PDE3B: variants seen among roughly 807,000 people sequenced by gnomAD.
PDE3B encodes the protein phosphodiesterase 3B.
In PDE3B, 66 loss-of-function variants were observed where a neutral mutation model predicts 116.8. That is an observed-to-expected ratio of 0.56 (90% CI 0.46 to 0.69). The LOEUF (loss-of-function observed/expected upper bound fraction) is 0.69, where lower values mean the gene tolerates loss of function less well. Ranked by LOEUF, PDE3B falls within the 30% of genes least tolerant of loss-of-function variation. The pLI is 0.00. For missense variants in PDE3B, 1,384 were observed against 1,368.1 expected, an observed-to-expected ratio of 1.01 and a Z score of -0.18; for synonymous variants, 595 against 533.6, an observed-to-expected ratio of 1.12 and a Z score of -1.59.
intron 1 of PDE3B, among the ~76,000 whole-genome samples, chr11:14,651,825 T>A (rs1038211285): frequency 1.3e-5 from 2 of 152,224 alleles, no homozygotes; most frequent in Non-Finnish European, 2.9e-5. Flanking sequence ...TATGTATGAC[T>A]GTATCTGGGC....
At chr11:14,877,435 A>G in the PDE3B span, 1 of 152,158 alleles carries the variant, frequency 6.6e-6, no homozygotes, top group African/African-American at 2.4e-5. Flanking sequence ...TTCAATAGCC[A>G]TTTATCATTT....
intron 1 of PDE3B, among the ~76,000 whole-genome samples, chr11:14,737,379 T>C (rs1856632297): frequency 2.0e-5 from 3 of 152,172 alleles, no homozygotes. Context: ...TTTGTGTTTT[T>C]AGTAGAGACA....
chr11:14,743,319 C>T (rs1565118164), intron 1 of PDE3B, among the ~76,000 whole-genome samples: 1 of 152,180 alleles, frequency 6.6e-6, no homozygotes, highest in Non-Finnish European at 1.5e-5. Context: ...ATGAAGTGGG[C>T]TCCACCCAGT....
intron 5 of PDE3B, among the ~76,000 whole-genome samples, chr11:14,805,352 A>T (rs1357040721): frequency 2.0e-5 from 3 of 152,240 alleles, no homozygotes; most frequent in Non-Finnish European, 4.4e-5. Flanking sequence ...GTGTGGAAAG[A>T]ATAAAACTTG....
intron 1 of PDE3B, among the ~76,000 whole-genome samples, chr11:14,744,592 C>G (rs1391262187): frequency 6.6e-6 from 1 of 152,096 alleles, no homozygotes; most frequent in African/African-American, 2.4e-5. Flanking sequence ...ATCTATATCT[C>G]CCATCTCAGT....
chr11:14,859,480 C>T (rs1178827930), intron 13 of PDE3B, among the ~76,000 whole-genome samples: 6 of 152,032 alleles, frequency 3.9e-5, no homozygotes, highest in Non-Finnish European at 7.4e-5. Context: ...TAAACTTATA[C>T]TATTGTGACT....
intron 11 of PDE3B, among the ~76,000 whole-genome samples, chr11:14,835,445 ATT>A (rs60953633): frequency 5.3e-5 from 8 of 150,808 alleles, no homozygotes; most frequent in African/African-American, 1.5e-4. Context: ...TTTAAAAAAA[ATT>A]TTTTTTTTGT....
At chr11:14,819,936 A>T (rs1366404373) in intron 7 of PDE3B, among the ~76,000 whole-genome samples, 1 of 152,170 alleles carries the variant, frequency 6.6e-6, no homozygotes, top group East Asian at 1.9e-4. Flanking sequence ...TCATGGGGCT[A>T]GGAAGACAGA....
At chr11:14,684,237 G>A (rs1854797520) in intron 1 of PDE3B, among the ~76,000 whole-genome samples, 1 of 152,208 alleles carries the variant, frequency 6.6e-6, no homozygotes, top group Admixed American at 6.5e-5. Context: ...TTCTGTAAGT[G>A]TCGGCCAGTT....
chr11:14,716,484 AAGAC>A (rs1360182727), intron 1 of PDE3B, among the ~76,000 whole-genome samples: 1 of 150,560 alleles, frequency 6.6e-6, no homozygotes, highest in Non-Finnish European at 1.5e-5. Flanking sequence ...GACAAACAAA[AAGAC>A]AGCAGGAACC....
intron 7 of PDE3B, 49 bp from the exon 8 acceptor site, chr11:14,830,649 T>G (rs1382135143): frequency 7.2e-6 from 6 of 830,902 alleles, no homozygotes; most frequent in Non-Finnish European, 1.1e-5. Flanking sequence ...AAGCTGTACA[T>G]ATAGGGCACA....
chr11:14,837,297 G>A (rs1278915266), intron 11 of PDE3B, among the ~76,000 whole-genome samples: 2 of 152,180 alleles, frequency 1.3e-5, no homozygotes, highest in Non-Finnish European at 2.9e-5. Context: ...GATAGGCTGA[G>A]AATTTCCTGA....
At chr11:14,729,637 A>T (rs1590097021) in intron 1 of PDE3B, among the ~76,000 whole-genome samples, 1 of 152,342 alleles carries the variant, frequency 6.6e-6, no homozygotes, top group East Asian at 1.9e-4. Flanking sequence ...AACTAATGTG[A>T]GATAAATATG....
Position 14,869,654 on chromosome 11 carries a change from G to C in PDE3B, c.3333G>C (p.Glu1111Asp). The C allele has an allele frequency of 6.2e-7, 1 of 1,613,200 alleles. No homozygotes were observed. The highest frequency in any genetic ancestry group is 8.5e-7 in the Non-Finnish European group (1 of 1,179,522). Residue 1111 changes from glutamate to aspartate, a missense_variant, in exon 16 of 16, where the codon GAG becomes GAC. Coordinates refer to ENST00000282096, the MANE Select transcript of PDE3B (RefSeq NM_000922.4). Reference protein sequence around the residue: ...EIQVIEEADEEE With the variant: ...EIQVIEEADEDE ...AGGTAATTGAAGAGGCAGATGAAGA[G>C]GAATAGCGACAGTTTGAGTAAAAGA...
At chr11:14,880,478 G>C in the PDE3B span, 1 of 1,613,338 alleles carries the variant, frequency 6.2e-7, no homozygotes, top group Non-Finnish European at 8.5e-7. Flanking sequence ...CTGGCAGCTA[G>C]TTCCACATTT....
chr11:14,700,263 T>C (rs1855324708), intron 1 of PDE3B, among the ~76,000 whole-genome samples: 3 of 151,778 alleles, frequency 2.0e-5, no homozygotes, highest in African/African-American at 4.8e-5. Flanking sequence ...TATGTATTAA[T>C]AGATTTGGTA....
chr11:14,893,324 T>C, the PDE3B span, among the ~76,000 whole-genome samples: 1 of 152,228 alleles, frequency 6.6e-6, no homozygotes, highest in African/African-American at 2.4e-5. Flanking sequence ...GGAGATACTT[T>C]AGCAGGCAAG....
chr11:14,886,545 G>A, the PDE3B span: 1 of 153,246 alleles, frequency 6.5e-6, no homozygotes, highest in African/African-American at 2.4e-5. Context: ...TCTCAGTTAA[G>A]GGGAAGGCAA....
At chr11:14,801,494 T>A (rs1342183132) in intron 4 of PDE3B, among the ~76,000 whole-genome samples, 2 of 152,224 alleles carry the variant, frequency 1.3e-5, no homozygotes, top group Admixed American at 6.5e-5. Context: ...CTGCCTGTTC[T>A]TTCCTCTGGA....
Sources: allele counts gnomAD v4.1 joint callset (sites outside exome capture counted in the v4.1 genomes callset), GRCh38; gene constraint gnomAD v4.1.1; transcripts MANE v1.5; gene names NCBI Gene and HGNC (gene_info 2026-07-23, HGNC 2026-07-21).